LDLRAD4: variants seen among roughly 807,000 people sequenced by gnomAD.
The protein encoded by LDLRAD4 is low density lipoprotein receptor class A domain containing 4.
In LDLRAD4, 5 loss-of-function variants were observed where a neutral mutation model predicts 17.0. The observed-to-expected ratio is 0.29, with a 90% confidence interval of 0.15 to 0.62. The LOEUF is 0.62. Ranked by LOEUF, LDLRAD4 falls within the 20% of genes least tolerant of loss-of-function variation. The pLI is 0.84. For missense variants in LDLRAD4, 340 were observed against 424.7 expected (o/e 0.80, Z 1.75); for synonymous variants, 168 against 171.8 (o/e 0.98, Z 0.17).
intron 4 of LDLRAD4, chr18:13,642,569 G>A: frequency 8.1e-7 from 1 of 1,228,504 alleles, no homozygotes; most frequent in Non-Finnish European, 1.0e-6. Flanking sequence ...CTCGCTGGAG[G>A]ATCCTGAGCC....
chr18:13,378,231 G>A (rs934770815), intron 1 of LDLRAD4, among the ~76,000 whole-genome samples: 15 of 152,142 alleles, frequency 9.9e-5, no homozygotes, highest in Admixed American at 7.2e-4. Flanking sequence ...GTGTGGCCCC[G>A]TTAGTTAGGG....
At chr18:13,288,531 T>C (rs1360937097) in intron 1 of LDLRAD4, among the ~76,000 whole-genome samples, 1 of 152,214 alleles carries the variant, frequency 6.6e-6, no homozygotes, top group Admixed American at 6.5e-5. Context: ...AAATAATCTG[T>C]AAAGGTGTTA....
At chr18:13,225,805 A>G (rs1261953274) in intron 1 of LDLRAD4, among the ~76,000 whole-genome samples, 1 of 152,200 alleles carries the variant, frequency 6.6e-6, no homozygotes, top group Non-Finnish European at 1.5e-5. Context: ...TGTACTTTTT[A>G]GGAAGCTTAG....
intron 3 of LDLRAD4, among the ~76,000 whole-genome samples, chr18:13,562,232 A>G (rs1302064420): frequency 6.6e-6 from 1 of 152,156 alleles, no homozygotes; most frequent in Non-Finnish European, 1.5e-5. Context: ...GTGAGGGTAA[A>G]TGACAGTGCA....
At chr18:13,334,281 A>G (rs1015377473) in intron 1 of LDLRAD4, among the ~76,000 whole-genome samples, 1 of 151,950 alleles carries the variant, frequency 6.6e-6, no homozygotes, top group Non-Finnish European at 1.5e-5. Context: ...CTTGTTGCCC[A>G]GGCTGGAGTG....
chr18:13,348,175 G>T (rs1359604176), intron 1 of LDLRAD4, among the ~76,000 whole-genome samples: 4 of 152,114 alleles, frequency 2.6e-5, no homozygotes, highest in Admixed American at 2.0e-4. Context: ...CAGTTTTTCT[G>T]CTCTGTTTTT....
At chr18:13,598,328 G>A (rs2095119281) in intron 3 of LDLRAD4, among the ~76,000 whole-genome samples, 3 of 152,232 alleles carry the variant, frequency 2.0e-5, no homozygotes, top group South Asian at 2.1e-4. Flanking sequence ...TTTTAGCAGA[G>A]CTCTCTTTGT....
In LDLRAD4 at chr18:13,401,001, C is replaced by T. The variant is rs189544087; in HGVS notation, c.40+13239C>T. The stretch of plus-strand genomic sequence containing the variant: ...CTGCCATTTCAGACAGCATTCAGGT[C>T]CCGTAGAAAATCAAGTATGGGAAGG... On this transcript the variant is annotated intron_variant, in intron 2 of 5. Transcript: ENST00000359446. Among the ~76,000 whole-genome samples the T allele has an allele frequency of 2.6e-3, 393 of 152,200 alleles. 3 individuals carry two copies. The highest frequency in any genetic ancestry group is 3.7e-3 in the Non-Finnish European group (251 of 68,012).
chr18:13,584,928 C>T (rs1189489393), intron 3 of LDLRAD4, among the ~76,000 whole-genome samples: 1 of 152,214 alleles, frequency 6.6e-6, no homozygotes, highest in Admixed American at 6.5e-5. Context: ...TTGCTGCCCA[C>T]GTAGGCAATT....
chr18:13,490,476 A>G (rs1284839083), intron 3 of LDLRAD4: 1 of 152,242 alleles, frequency 6.6e-6, no homozygotes, highest in Non-Finnish European at 1.5e-5. Flanking sequence ...CCCAACCTAT[A>G]TTATGAAGTG....
intron 3 of LDLRAD4, among the ~76,000 whole-genome samples, chr18:13,459,454 C>A (rs528945415): frequency 6.6e-6 from 1 of 151,590 alleles, no homozygotes; most frequent in East Asian, 1.9e-4. Context: ...GTGATCTCAG[C>A]TCACTGCAAC....
chr18:13,527,346 T>C lies in LDLRAD4; in HGVS notation c.181+88962T>C, dbSNP rs368560399. ...TATGCCCTTGTCCTTGAATGAAGCA[T>C]GAACTGTGCCTTGTATAGGAGGCGG... On this transcript the variant is annotated intron_variant, in intron 3 of 5. Coordinates refer to ENST00000359446, the Ensembl canonical transcript of LDLRAD4. 3.9e-5 allele frequency among the ~76,000 whole-genome samples: 6 copies of C among 152,380 alleles called. No individual in the cohort carries two copies. In the East Asian group the frequency reaches 9.6e-4, roughly 24 times the overall value.
chr18:13,625,934 C>T (rs1398985151), intron 4 of LDLRAD4, among the ~76,000 whole-genome samples: 2 of 151,002 alleles, frequency 1.3e-5, no homozygotes, highest in African/African-American at 4.9e-5. Flanking sequence ...TGGCCTGGGA[C>T]AGTGCATGCT....
intron 3 of LDLRAD4, among the ~76,000 whole-genome samples, chr18:13,608,084 C>T (rs1190847302): frequency 3.3e-5 from 5 of 151,812 alleles, no homozygotes; most frequent in African/African-American, 7.3e-5. Flanking sequence ...AAAAAACAAC[C>T]CCATCAAAAA....
At chr18:13,366,870 A>G (rs1401743875) in intron 1 of LDLRAD4, among the ~76,000 whole-genome samples, 1 of 152,168 alleles carries the variant, frequency 6.6e-6, no homozygotes, top group African/African-American at 2.4e-5. Context: ...ACAAAGACAC[A>G]TTGGCGTGTT....
intron 4 of LDLRAD4, 76 bp from the exon 6 acceptor site, chr18:13,643,282 GT>G: frequency 7.3e-6 from 7 of 956,222 alleles, no homozygotes; most frequent in Admixed American, 5.4e-5. Context: ...TGTGCTTCAT[GT>G]TTTTAGGTGC....
intron 1 of LDLRAD4, among the ~76,000 whole-genome samples, chr18:13,375,883 G>A (rs1001948644): frequency 3.9e-5 from 6 of 152,136 alleles, no homozygotes; most frequent in African/African-American, 9.7e-5. Flanking sequence ...TGTGTTTCCC[G>A]ATTTCAAGTG....
chr18:13,542,490 C>T (rs2147961272), intron 3 of LDLRAD4: 1 of 153,018 alleles, frequency 6.5e-6, no homozygotes, highest in African/African-American at 2.4e-5. Context: ...CCAGGCAGAA[C>T]CTGCTGGCTT....
At chr18:13,491,758 T>C (rs901196384) in intron 3 of LDLRAD4, among the ~76,000 whole-genome samples, 1 of 152,164 alleles carries the variant, frequency 6.6e-6, no homozygotes, top group Non-Finnish European at 1.5e-5. Context: ...GACCCAGAAC[T>C]AGAGGCCAGG....
Sources: allele counts gnomAD v4.1 joint callset (sites outside exome capture counted in the v4.1 genomes callset), GRCh38; gene constraint gnomAD v4.1.1; transcripts MANE v1.5; gene names NCBI Gene and HGNC (gene_info 2026-07-23, HGNC 2026-07-21).